The following C12orf71 variants were observed in gnomAD, a reference collection of about 807,000 sequenced individuals.
C12orf71 encodes the protein chromosome 12 open reading frame 71, also known as uncharacterized protein C12orf71.
Under a neutral mutation model 11.7 loss-of-function variants are expected in C12orf71, and 10 were observed. The observed-to-expected ratio is 0.86, with a 90% confidence interval of 0.53 to 1.45. The LOEUF (loss-of-function observed/expected upper bound fraction) is 1.45, where lower values mean the gene tolerates loss of function less well. C12orf71 is among the 40% of genes most tolerant of loss of function. C12orf71 has a pLI of 0.00. For missense variants in C12orf71, 293 were observed against 325.8 expected (o/e 0.90, Z 0.78); for synonymous variants, 110 against 123.4 (o/e 0.89, Z 0.72).
chr12:27,081,372 G>A lies in C12orf71; in HGVS notation c.612C>T (p.His204=), dbSNP rs373933963. Residue 204 remains histidine, a synonymous_variant, in exon 2 of 2, where the codon CAC becomes CAT. Coordinates refer to ENST00000429849, the MANE Select transcript of C12orf71 (RefSeq NM_001080406.2). ...AGTTCAGGCAGCACTGGGCCTGTGTGTGTGAAGGAGTGTCATCCTTCTCTG... is the reference window on the plus strand; with the variant it reads ...AGTTCAGGCAGCACTGGGCCTGTGTATGTGAAGGAGTGTCATCCTTCTCTG... ...EQPEKDDTPS[H]TQAQCCLNFG... is the part of the protein sequence containing the mutation. 188 of 1,613,874 alleles carry A rather than the reference G, an allele frequency of 1.2e-4. No individual in the cohort carries two copies. The highest frequency in any genetic ancestry group is 1.3e-4 in the Non-Finnish European group (153 of 1,179,902).
chr12:27,081,685 A>C (rs1317756399), intron 1 of C12orf71, among the ~76,000 whole-genome samples: 1 of 151,656 alleles, frequency 6.6e-6, no homozygotes, highest in African/African-American at 2.4e-5. Context: ...TTCCCTCAGC[A>C]TTCCCAGTCT....
upstream of C12orf71, among the ~76,000 whole-genome samples, chr12:27,083,964 GCA>G (rs1475985908): frequency 6.6e-6 from 1 of 152,126 alleles, no homozygotes; most frequent in East Asian, 1.9e-4. Context: ...GTGCACGCGC[GCA>G]CACACAGACA....
chr12:27,082,614 CTT>C (rs138774709), upstream of C12orf71: 1,097 of 519,082 alleles, frequency 2.1e-3, no homozygotes, highest in South Asian at 4.5e-3. Flanking sequence ...TCTCTTTTTT[CTT>C]TTTTTTTTTT....
chr12:27,082,947 G>GT (rs111300701), upstream of C12orf71, among the ~76,000 whole-genome samples: 2,838 of 141,048 alleles, frequency 0.02, 91 homozygotes, highest in African/African-American at 0.069. Context: ...GTTTGTTTTT[G>GT]TTTTTTTTTT....
upstream of C12orf71, among the ~76,000 whole-genome samples, chr12:27,082,885 T>G (rs1368688826): frequency 6.6e-6 from 1 of 152,010 alleles, no homozygotes; most frequent in Non-Finnish European, 1.5e-5. Flanking sequence ...CCCCATTCCC[T>G]TTTCTATTCA....
chr12:27,082,986 G>C (rs1264733666), upstream of C12orf71, among the ~76,000 whole-genome samples: 2 of 151,710 alleles, frequency 1.3e-5, no homozygotes, highest in Non-Finnish European at 1.5e-5. Flanking sequence ...TGTTGTCCAG[G>C]CTGGAGTTCA....
upstream of C12orf71, among the ~76,000 whole-genome samples, chr12:27,083,953 C>T (rs779511011): frequency 3.0e-4 from 45 of 152,280 alleles, no homozygotes; most frequent in Non-Finnish European, 5.0e-4. Context: ...TGCATGCACG[C>T]GTGCACGCGC....
chr12:27,082,902 C>T (rs1941949349), upstream of C12orf71, among the ~76,000 whole-genome samples: 1 of 151,798 alleles, frequency 6.6e-6, no homozygotes, highest in South Asian at 2.1e-4. Flanking sequence ...TTCAGAACTA[C>T]CCCATTTAGA....
chr12:27,083,662 A>G (rs1219915006), upstream of C12orf71, among the ~76,000 whole-genome samples: 1 of 152,232 alleles, frequency 6.6e-6, no homozygotes, highest in African/African-American at 2.4e-5. Flanking sequence ...AAACATATAT[A>G]TGGTTACTCT....
chr12:27,083,068 G>C (rs1941951077), upstream of C12orf71, among the ~76,000 whole-genome samples: 1 of 151,996 alleles, frequency 6.6e-6, no homozygotes, highest in Non-Finnish European at 1.5e-5. Context: ...AGCCTCCCGG[G>C]TAGCTAGGAC....
In C12orf71 at chr12:27,081,289, T is replaced by A. The variant is rs1941929858; in HGVS notation, c.695A>T (p.Asp232Val). 1.9e-6 allele frequency: 3 copies of A among 1,613,926 alleles called. No individual in the cohort carries two copies. Among genetic ancestry groups the A allele is most frequent in the Non-Finnish European group, 1.7e-6 (2 of 1,179,870 alleles). ...QRILPSLLRRDHPVNATKSPH... is the reference protein window; with the variant it reads ...QRILPSLLRRVHPVNATKSPH... ...ACTTTTGGTGGCATTCACAGGGTGA[T>A]CCCTCCTCAGCAGAGAGGGGAGGAT... The change falls in exon 2 of 2, where the codon GAT (aspartate) becomes GTT (valine). Residue 232 changes from aspartate (D) to valine (V), a missense_variant. By Grantham distance (152) the Asp-to-Val change is radical. Transcript: ENST00000429849.
rs544874543 is a variant in C12orf71 at position 27,082,077 on chromosome 12, T to C, written c.407A>G (p.Gln136Arg). ...ATTTTCTAGAAATATCTGAAACTCT[T>C]GCACAAGATTATTCAGTTTGCCAAC... ...LSVGKLNNLVQEFQIFLENLK... is the reference protein window; with the variant it reads ...LSVGKLNNLVREFQIFLENLK... Residue 136 changes from glutamine (Q) to arginine (R), a missense_variant, in exon 1 of 2, where the codon CAA (glutamine) becomes CGA (arginine). Coordinates refer to ENST00000429849, the MANE Select transcript of C12orf71 (RefSeq NM_001080406.2). 8.1e-6 allele frequency: 13 copies of C among 1,609,120 alleles called. No homozygotes were observed. Among genetic ancestry groups the C allele is most frequent in the South Asian group, 4.4e-5 (4 of 90,316 alleles).
rs754509391 is a variant in C12orf71 at position 27,082,239 on chromosome 12, T to C, written c.245A>G (p.Gln82Arg). Residue 82 changes from glutamine to arginine, a missense_variant, in exon 1 of 2, where the codon CAG becomes CGG. Gln to Arg is a conservative substitution (Grantham distance 43, BLOSUM62 1). Coordinates refer to ENST00000429849, the MANE Select transcript of C12orf71 (RefSeq NM_001080406.2). ...CAGGAAGATGCTTAGTTTGCAAAACTGCTCTGGTTCATCCTGAATTTGGTC... is the reference window on the plus strand; with the variant it reads ...CAGGAAGATGCTTAGTTTGCAAAACCGCTCTGGTTCATCCTGAATTTGGTC... ...RQDQIQDEPEQFCKLSIFLAW... is the reference protein window; with the variant it reads ...RQDQIQDEPERFCKLSIFLAW... 6.2e-7 allele frequency: 1 copy of C among 1,613,472 alleles called. No individual in the cohort carries two copies. Among genetic ancestry groups the C allele is most frequent in the South Asian group, 1.1e-5 (1 of 91,014 alleles).
At chr12:27,081,752 C>G in intron 1 of C12orf71, 2 of 718,784 alleles carry the variant, frequency 2.8e-6, no homozygotes, top group Non-Finnish European at 5.0e-6. Flanking sequence ...GGTATCACGT[C>G]AGTCCCCCTG....
intron 1 of C12orf71, 52 bp from the exon 2 acceptor site, chr12:27,081,519 A>G (rs1328677427): frequency 1.3e-6 from 2 of 1,537,200 alleles, no homozygotes; most frequent in Non-Finnish European, 1.8e-6. Context: ...GACAACAGCC[A>G]AATCAACGTT....
At position 27,081,374 on chromosome 12, in the gene C12orf71, G is replaced by T. The variant is rs770163058; in HGVS notation, c.610C>A (p.His204Asn). ...EQPEKDDTPS[H>N]TQAQCCLNFG... Reference sequence around the variant, plus strand: ...TTCAGGCAGCACTGGGCCTGTGTGTGTGAAGGAGTGTCATCCTTCTCTGGC... The same window carrying T: ...TTCAGGCAGCACTGGGCCTGTGTGTTTGAAGGAGTGTCATCCTTCTCTGGC... Residue 204 changes from histidine to asparagine, a missense_variant, in exon 2 of 2, where the codon CAC becomes AAC. By Grantham distance (68) the His-to-Asn change is moderately conservative. Transcript: ENST00000429849. 6.2e-7 allele frequency: 1 copy of T among 1,614,004 alleles called. No individual in the cohort carries two copies. Among genetic ancestry groups the T allele is most frequent in the South Asian group, 1.1e-5 (1 of 91,080 alleles).
chr12:27,082,425 T>C lies in C12orf71; in HGVS notation c.59A>G (p.Asn20Ser). Residue 20 changes from asparagine (N) to serine (S), a missense_variant, in exon 1 of 2, where the codon AAC (asparagine) becomes AGC (serine). Asn to Ser is a conservative substitution (Grantham distance 46). Transcript: ENST00000429849. ...GAAATAGCCCACAGAGAGGCTCAGG[T>C]TGGAATTGGATTTGGAGCTGTCGTC... ...IEDDSSKSNS[N>S]LSLSVGYFPC... The C allele has an allele frequency of 6.5e-7, 1 of 1,529,954 alleles. No individual in the cohort carries two copies. The highest frequency in any genetic ancestry group is 8.8e-7 in the Non-Finnish European group (1 of 1,141,772). The allele number at this position is 1,529,954 out of a possible 1,614,324, so 94.8% of individuals were successfully genotyped here. A position where few individuals can be genotyped will look rare whatever the true frequency, so the allele number is the denominator to read the frequency against.
intron 1 of C12orf71, 121 bp downstream of exon 1, chr12:27,081,847 C>A: frequency 9.4e-7 from 1 of 1,068,130 alleles, no homozygotes; most frequent in Non-Finnish European, 1.4e-6. Context: ...TCTCTGCTCT[C>A]CTCAGCCAGC....
upstream of C12orf71, among the ~76,000 whole-genome samples, chr12:27,083,407 T>C (rs1941953336): frequency 6.6e-6 from 1 of 152,198 alleles, no homozygotes; most frequent in African/African-American, 2.4e-5. Context: ...GGATGATCAT[T>C]GTATAAAATT....
Sources: allele counts gnomAD v4.1 joint callset (sites outside exome capture counted in the v4.1 genomes callset), GRCh38; gene constraint gnomAD v4.1.1; transcripts MANE v1.5; gene names NCBI Gene and HGNC (gene_info 2026-07-23, HGNC 2026-07-21).